FBXL17: variants seen among roughly 807,000 people sequenced by gnomAD.
The protein encoded by FBXL17 is F-box and leucine rich repeat protein 17, also known as F-box/LRR-repeat protein 17.
FBXL17 carries 22 observed loss-of-function variants against 66.2 expected under a neutral mutation model. The ratio of observed to expected loss-of-function variants is 0.33; its 90% CI spans 0.24 to 0.47. The LOEUF is 0.47. FBXL17 is among the 20% of genes least tolerant of loss of function. The pLI, the probability that FBXL17 is intolerant of heterozygous loss-of-function variation, is 1.00. For missense variants in FBXL17, 878 were observed against 948.2 expected (o/e 0.93, Z 0.97); for synonymous variants, 474 against 400.5 (o/e 1.18, Z -2.19).
intron 6 of FBXL17, among the ~76,000 whole-genome samples, chr5:108,041,947 T>C (rs1747063530): frequency 6.6e-6 from 1 of 152,084 alleles, no homozygotes; most frequent in African/African-American, 2.4e-5. Context: ...GTTTCCCATC[T>C]AGCAATGGTG....
At chr5:108,295,827 A>C (rs1758323913) in intron 4 of FBXL17, among the ~76,000 whole-genome samples, 1 of 151,960 alleles carries the variant, frequency 6.6e-6, no homozygotes, top group African/African-American at 2.4e-5. Context: ...CTTAAGGTCA[A>C]CTGGAACAAG....
At chr5:108,281,885 T>G (rs921153680) in intron 4 of FBXL17, among the ~76,000 whole-genome samples, 3 of 151,842 alleles carry the variant, frequency 2.0e-5, no homozygotes, top group African/African-American at 7.2e-5. Context: ...CATACACTTA[T>G]ATGCTCACAA....
At chr5:108,158,209 T>C (rs1409541824) in intron 6 of FBXL17, among the ~76,000 whole-genome samples, 1 of 152,048 alleles carries the variant, frequency 6.6e-6, no homozygotes, top group Non-Finnish European at 1.5e-5. Flanking sequence ...AGAAAGATGA[T>C]CAATTATAAA....
At chr5:107,946,309 A>T (rs1195327109) in intron 7 of FBXL17, among the ~76,000 whole-genome samples, 6 of 86,534 alleles carry the variant, frequency 6.9e-5, no homozygotes, top group African/African-American at 2.7e-4. Flanking sequence ...ATATATATAT[A>T]TTAGTGACAG....
intron 6 of FBXL17, among the ~76,000 whole-genome samples, chr5:108,156,894 T>C (rs1281185838): frequency 1.3e-5 from 2 of 151,862 alleles, no homozygotes; most frequent in Non-Finnish European, 2.9e-5. Context: ...CCAGAAAAAT[T>C]AAAACAATTA....
chr5:108,161,464 C>T (rs188713237), intron 6 of FBXL17, among the ~76,000 whole-genome samples: 7 of 149,354 alleles, frequency 4.7e-5, no homozygotes, highest in East Asian at 2.0e-4. Flanking sequence ...CCAGCCTGGG[C>T]GACAGCGGAA....
At chr5:107,968,207 G>A (rs908439350) in intron 7 of FBXL17, among the ~76,000 whole-genome samples, 1 of 152,038 alleles carries the variant, frequency 6.6e-6, no homozygotes, top group Non-Finnish European at 1.5e-5. Flanking sequence ...CAGATGAAGA[G>A]CTCTTTTTTT....
intron 7 of FBXL17, among the ~76,000 whole-genome samples, chr5:107,898,721 T>C (rs1373816617): frequency 6.6e-6 from 1 of 152,160 alleles, no homozygotes; most frequent in Non-Finnish European, 1.5e-5. Context: ...ACATGTGGTG[T>C]TTGCTTTTCT....
chr5:107,879,137 C>T (rs1351385408), intron 8 of FBXL17: 1 of 985,392 alleles, frequency 1.0e-6, no homozygotes, highest in Non-Finnish European at 1.2e-6. Context: ...CTGTAACATA[C>T]AACTTCTACA....
At chr5:108,126,684 T>TATATATATATATATATAC (rs1313924066) in intron 6 of FBXL17, among the ~76,000 whole-genome samples, 5 of 135,576 alleles carry the variant, frequency 3.7e-5, no homozygotes, top group Admixed American at 2.3e-4. Flanking sequence ...TATATATATA[T>TATATATATATATATATAC]ACACACATAC....
intron 6 of FBXL17, among the ~76,000 whole-genome samples, chr5:108,126,269 C>T (rs1750692222): frequency 2.6e-5 from 4 of 152,060 alleles, no homozygotes; most frequent in African/African-American, 2.4e-5. Context: ...TATGAGACAT[C>T]GGTCCAAAGG....
chr5:108,312,307 AC>A (rs1180441343), intron 4 of FBXL17, among the ~76,000 whole-genome samples: 1 of 152,110 alleles, frequency 6.6e-6, no homozygotes, highest in Non-Finnish European at 1.5e-5. Context: ...TTCATGAACT[AC>A]CCTATACTTC....
intron 4 of FBXL17, among the ~76,000 whole-genome samples, chr5:108,233,990 C>CT (rs1227276944): frequency 1.3e-5 from 2 of 152,096 alleles, no homozygotes; most frequent in African/African-American, 4.8e-5. Context: ...AGAAAAGCCC[C>CT]TGCAGGAGGT....
intron 7 of FBXL17, among the ~76,000 whole-genome samples, chr5:107,938,480 A>T (rs1750982331): frequency 6.6e-6 from 1 of 152,164 alleles, no homozygotes; most frequent in South Asian, 2.1e-4. Context: ...ATCGGTCTTC[A>T]CAAACTGTAG....
chr5:108,293,866 C>T (rs902986604), intron 4 of FBXL17, among the ~76,000 whole-genome samples: 2 of 151,348 alleles, frequency 1.3e-5, no homozygotes, highest in African/African-American at 4.9e-5. Context: ...CGTGGTGAAA[C>T]CCCATCTCTA....
At chr5:108,115,111 A>C (rs1561417422) in intron 6 of FBXL17, among the ~76,000 whole-genome samples, 2 of 152,232 alleles carry the variant, frequency 1.3e-5, no homozygotes, top group Admixed American at 6.5e-5. Context: ...AATGATTATT[A>C]GGAAATATAG....
intron 6 of FBXL17, among the ~76,000 whole-genome samples, chr5:108,171,573 A>C (rs1401644694): frequency 2.0e-5 from 3 of 152,238 alleles, no homozygotes; most frequent in Non-Finnish European, 2.9e-5. Context: ...GGCAGCTACA[A>C]AGTCAGTATC....
chr5:107,960,609 T>C (rs1561340296), intron 7 of FBXL17, among the ~76,000 whole-genome samples: 1 of 152,210 alleles, frequency 6.6e-6, no homozygotes, highest in Admixed American at 6.5e-5. Flanking sequence ...TGTCTTTCCG[T>C]ACCTGGCTGA....
intron 6 of FBXL17, among the ~76,000 whole-genome samples, chr5:108,048,756 G>GA (rs1477505786): frequency 6.6e-6 from 1 of 152,098 alleles, no homozygotes; most frequent in Non-Finnish European, 1.5e-5. Context: ...CAAGATTAGA[G>GA]AAAAAAGAAT....
Sources: gnomAD v4.1 joint callset for allele counts (sites outside exome capture counted in the v4.1 genomes callset) on GRCh38, gnomAD v4.1.1 for gene constraint, MANE v1.5 for transcripts, NCBI Gene and HGNC (gene_info 2026-07-23, HGNC 2026-07-21) for gene names.